BTBD9: variants seen among roughly 807,000 people sequenced by gnomAD.
BTBD9 encodes the protein BTB/POZ domain-containing protein 9.
Under a neutral mutation model 64.3 loss-of-function variants are expected in BTBD9, and 49 were observed. The ratio of observed to expected loss-of-function variants is 0.76; its 90% CI spans 0.61 to 0.97. BTBD9 has a LOEUF of 0.97. BTBD9 is among the 50% of genes least tolerant of loss of function. BTBD9 has a pLI of 0.00. For missense variants in BTBD9, 598 were observed against 762.1 expected, an observed-to-expected ratio of 0.78 and a Z score of 2.53; for synonymous variants, 260 against 274.7, an observed-to-expected ratio of 0.95 and a Z score of 0.53.
intron 9 of BTBD9, among the ~76,000 whole-genome samples, chr6:38,196,361 T>G (rs1210494302): frequency 6.6e-6 from 1 of 152,234 alleles, no homozygotes; most frequent in Non-Finnish European, 1.5e-5. Flanking sequence ...AGAAAAGTAT[T>G]GGCATATATT....
chr6:38,460,414 T>C (rs1240784227), intron 6 of BTBD9, among the ~76,000 whole-genome samples: 1 of 152,204 alleles, frequency 6.6e-6, no homozygotes, highest in Admixed American at 6.5e-5. Context: ...AGTCTGAACA[T>C]CATTATGCAC....
intron 9 of BTBD9, among the ~76,000 whole-genome samples, chr6:38,203,509 A>G (rs901358023): frequency 2.6e-5 from 4 of 152,236 alleles, no homozygotes; most frequent in African/African-American, 9.6e-5. Flanking sequence ...AGTGTCCATC[A>G]ATGGACGTAA....
intron 9 of BTBD9, among the ~76,000 whole-genome samples, chr6:38,198,338 C>T (rs971247173): frequency 1.3e-5 from 2 of 151,924 alleles, no homozygotes; most frequent in African/African-American, 4.8e-5. Context: ...GCTGTGTCAC[C>T]ATCGGAAAGA....
intron 1 of BTBD9, among the ~76,000 whole-genome samples, chr6:38,633,236 A>T (rs1019942352): frequency 6.6e-6 from 1 of 152,234 alleles, no homozygotes; most frequent in Non-Finnish European, 1.5e-5. Flanking sequence ...ATGGTGACAT[A>T]AGGAATTGGC....
chr6:38,510,197 A>C (rs1355755858), intron 6 of BTBD9, among the ~76,000 whole-genome samples: 1 of 152,258 alleles, frequency 6.6e-6, no homozygotes, highest in African/African-American at 2.4e-5. Context: ...GTATACTTAC[A>C]CGAACTGGAT....
chr6:38,480,324 A>G (rs146198800), intron 6 of BTBD9, among the ~76,000 whole-genome samples: 101 of 152,306 alleles, frequency 6.6e-4, no homozygotes, highest in Non-Finnish European at 1.1e-3. Flanking sequence ...TTCAACACTC[A>G]GAGTACCTCT....
chr6:38,351,897 G>A (rs1764531684), intron 6 of BTBD9, among the ~76,000 whole-genome samples: 1 of 152,102 alleles, frequency 6.6e-6, no homozygotes, highest in African/African-American at 2.4e-5. Flanking sequence ...TGTGCCTGAT[G>A]TGCCTTCAGT....
intron 6 of BTBD9, among the ~76,000 whole-genome samples, chr6:38,373,452 A>C (rs575238640): frequency 6.6e-6 from 1 of 152,340 alleles, no homozygotes; most frequent in South Asian, 2.1e-4. Context: ...AAGAAACTTA[A>C]TGTGACAGTT....
chr6:38,183,115 G>C (rs1761641230), intron 10 of BTBD9, among the ~76,000 whole-genome samples: 1 of 151,938 alleles, frequency 6.6e-6, no homozygotes, highest in Non-Finnish European at 1.5e-5. Context: ...GAGTAGCTGG[G>C]ACTACAGGCG....
chr6:38,366,298 C>T (rs1765181029), intron 6 of BTBD9, among the ~76,000 whole-genome samples: 1 of 152,086 alleles, frequency 6.6e-6, no homozygotes, highest in Non-Finnish European at 1.5e-5. Flanking sequence ...CCTAAGTGTC[C>T]CCTTAGAATG....
intron 7 of BTBD9, among the ~76,000 whole-genome samples, chr6:38,318,957 C>T (rs555861066): frequency 6.6e-6 from 1 of 152,336 alleles, no homozygotes; most frequent in South Asian, 2.1e-4. Flanking sequence ...TATTCCACTG[C>T]GACTACGCTG....
intron 7 of BTBD9, among the ~76,000 whole-genome samples, chr6:38,296,288 A>G (rs1762156849): frequency 6.6e-6 from 1 of 152,138 alleles, no homozygotes. Context: ...CTGGCATACA[A>G]TATTTCACAG....
In BTBD9 at chr6:38,580,301, G is replaced by A; in HGVS notation, c.951C>T (p.Asp317=). The change falls in exon 5 of 11, where the codon GAC becomes GAT. Residue 317 remains aspartate (D), a synonymous_variant. Coordinates refer to ENST00000481247, the MANE Select transcript of BTBD9 (RefSeq NM_001099272.2). Reference sequence around the variant, plus strand: ...GCTTAATCTCGATGCCGGAACGGCAGTCATCATCAATTGGGTGCCTTGAAA... The same window carrying A: ...GCTTAATCTCGATGCCGGAACGGCAATCATCATCAATTGGGTGCCTTGAAA... ...HGFSRHPIDD[D]CRSGIEIKLG... 6.2e-7 allele frequency: 1 copy of A among 1,614,236 alleles called. No homozygotes were observed. The highest frequency in any genetic ancestry group is 8.5e-7 in the Non-Finnish European group (1 of 1,180,038).
chr6:38,524,754 CATTATAAAATTAA>C (rs1293194978), intron 6 of BTBD9, among the ~76,000 whole-genome samples: 2 of 152,272 alleles, frequency 1.3e-5, no homozygotes, highest in East Asian at 3.9e-4. Flanking sequence ...GCTTGATAAA[CATTATAAAATTAA>C]CCCACAAAGA....
chr6:38,367,845 A>T (rs1457824225), intron 6 of BTBD9, among the ~76,000 whole-genome samples: 1 of 146,492 alleles, frequency 6.8e-6, no homozygotes, highest in Non-Finnish European at 1.5e-5. Flanking sequence ...TCCCTGCCTG[A>T]AAAGCTCCAT....
chr6:38,176,173 TG>T (rs1761239342), intron 10 of BTBD9, among the ~76,000 whole-genome samples: 1 of 152,002 alleles, frequency 6.6e-6, no homozygotes, highest in Non-Finnish European at 1.5e-5. Flanking sequence ...AAGGGCGGGG[TG>T]GGGGCTGTCG....
chr6:38,623,732 A>T (rs188097687), intron 1 of BTBD9, among the ~76,000 whole-genome samples: 1 of 152,348 alleles, frequency 6.6e-6, no homozygotes, highest in East Asian at 1.9e-4. Context: ...CATGACAGTC[A>T]TCTTGCTATT....
chr6:38,492,753 A>G (rs1256044281), intron 6 of BTBD9, among the ~76,000 whole-genome samples: 3 of 152,198 alleles, frequency 2.0e-5, no homozygotes, highest in Non-Finnish European at 4.4e-5. Context: ...TGATAAACCA[A>G]AAAACTGTCA....
intron 6 of BTBD9, among the ~76,000 whole-genome samples, chr6:38,495,699 G>C (rs1771924454): frequency 6.7e-6 from 1 of 150,152 alleles, no homozygotes; most frequent in South Asian, 2.1e-4. Flanking sequence ...AACCAGTGAG[G>C]CTGGCTTCCT....
Sources: gnomAD v4.1 joint callset for allele counts (sites outside exome capture counted in the v4.1 genomes callset) on GRCh38, gnomAD v4.1.1 for gene constraint, MANE v1.5 for transcripts, NCBI Gene and HGNC (gene_info 2026-07-23, HGNC 2026-07-21) for gene names.